The following SRGAP1 variants were observed in gnomAD, a reference collection of about 807,000 sequenced individuals.
The protein encoded by SRGAP1 is SLIT-ROBO Rho GTPase-activating protein 1.
SRGAP1 carries 43 observed loss-of-function variants against 121.9 expected under a neutral mutation model. The observed-to-expected ratio is 0.35, with a 90% CI of 0.28 to 0.46. The LOEUF (loss-of-function observed/expected upper bound fraction) is 0.46. Among genes scored for constraint, SRGAP1 ranks in the 20% least tolerant of loss-of-function variants. The pLI is 1.00. For synonymous variants in SRGAP1, 447 were observed against 485.4 expected, an observed-to-expected ratio of 0.92 and a Z score of 1.04; for missense variants, 1,102 against 1,350.9, an observed-to-expected ratio of 0.82 and a Z score of 2.89.
intron 4 of SRGAP1, among the ~76,000 whole-genome samples, chr12:64,030,061 T>C (rs1268671286): frequency 6.6e-6 from 1 of 152,184 alleles, no homozygotes; most frequent in Non-Finnish European, 1.5e-5. Flanking sequence ...TTGGATAAAA[T>C]AGCATTTATT....
intron 1 of SRGAP1, among the ~76,000 whole-genome samples, chr12:63,926,162 C>T (rs1229309416): frequency 6.6e-6 from 1 of 152,184 alleles, no homozygotes; most frequent in African/African-American, 2.4e-5. Context: ...CTGATTCTTT[C>T]TTCCTCACAC....
chr12:63,991,782 A>G (rs1484186589), intron 3 of SRGAP1, among the ~76,000 whole-genome samples: 2 of 152,346 alleles, frequency 1.3e-5, no homozygotes, highest in East Asian at 3.9e-4. Context: ...AATGCTTCTT[A>G]TTCAGACAGG....
chr12:63,889,615 TA>T (rs368572462), intron 1 of SRGAP1, among the ~76,000 whole-genome samples: 3,174 of 151,470 alleles, frequency 0.021, 57 homozygotes, highest in Middle Eastern at 0.041. Flanking sequence ...TAGGGGGCTT[TA>T]AAAAAAAATC....
Position 64,142,538 on chromosome 12 carries a change from G to C in SRGAP1, c.3124G>C (p.Val1042Leu), listed in dbSNP as rs745556807. 4.0e-5 allele frequency: 64 copies of C among 1,614,040 alleles called. No homozygotes were observed. The highest frequency in any genetic ancestry group is 5.3e-5 in the Non-Finnish European group (62 of 1,180,054). ...CACAATGAGTACTTTCAAGCCTATG[G>C]TGGCACCCAGAATGGGCGTGCAGCT... ...SDTMSTFKPM[V>L]APRMGVQLKP... Residue 1042 changes from valine to leucine, a missense_variant, in exon 22 of 22, where the codon GTG becomes CTG. Physicochemically the swap from Val to Leu is conservative, Grantham distance 32 (BLOSUM62 1). Coordinates refer to ENST00000355086, the MANE Select transcript of SRGAP1 (RefSeq NM_020762.4).
chr12:64,138,141 G>A (rs1011736399), intron 21 of SRGAP1, among the ~76,000 whole-genome samples: 4 of 151,854 alleles, frequency 2.6e-5, no homozygotes, highest in African/African-American at 9.7e-5. Flanking sequence ...TCCAGTCCCT[G>A]ACAACCACCA....
intron 15 of SRGAP1, among the ~76,000 whole-genome samples, chr12:64,099,620 C>T (rs2036223304): frequency 6.6e-6 from 1 of 152,232 alleles, no homozygotes; most frequent in Non-Finnish European, 1.5e-5. Flanking sequence ...TAGCCTGAGT[C>T]ATCACAATGA....
At chr12:64,029,328 A>G (rs2034723211) in intron 4 of SRGAP1, among the ~76,000 whole-genome samples, 1 of 152,146 alleles carries the variant, frequency 6.6e-6, no homozygotes. Context: ...TTGTTATAGG[A>G]TTATTTTTAT....
chr12:64,093,975 C>A (rs919585740), intron 12 of SRGAP1, among the ~76,000 whole-genome samples: 4 of 152,130 alleles, frequency 2.6e-5, no homozygotes, highest in Non-Finnish European at 2.9e-5. Flanking sequence ...ATTAAGACAA[C>A]CAACTTTTTC....
chr12:63,887,887 C>T (rs188748776), intron 1 of SRGAP1: 1 of 152,356 alleles, frequency 6.6e-6, no homozygotes, highest in East Asian at 1.9e-4. Flanking sequence ...TCATGATCTG[C>T]CTTGACAGGT....
At chr12:63,847,623 G>A (rs1001030900) in intron 1 of SRGAP1, among the ~76,000 whole-genome samples, 1 of 152,046 alleles carries the variant, frequency 6.6e-6, no homozygotes, top group Admixed American at 6.5e-5. Flanking sequence ...GTGCATGCCT[G>A]TAGTCCCAGC....
intron 12 of SRGAP1, among the ~76,000 whole-genome samples, chr12:64,093,149 G>A (rs887650207): frequency 3.3e-5 from 5 of 152,174 alleles, no homozygotes; most frequent in East Asian, 1.9e-4. Context: ...TGGGAAAACC[G>A]ACACCAAGGG....
intron 1 of SRGAP1, among the ~76,000 whole-genome samples, chr12:63,928,819 G>A (rs930879564): frequency 6.6e-6 from 1 of 152,166 alleles, no homozygotes; most frequent in Non-Finnish European, 1.5e-5. Context: ...CAGATCATCA[G>A]GCATTAGATT....
intron 2 of SRGAP1, among the ~76,000 whole-genome samples, chr12:63,984,690 T>C (rs1279942104): frequency 6.6e-6 from 1 of 152,150 alleles, no homozygotes; most frequent in Non-Finnish European, 1.5e-5. Flanking sequence ...ACATAAGATG[T>C]TCTGCTAATG....
intron 3 of SRGAP1, among the ~76,000 whole-genome samples, chr12:64,014,452 G>A (rs1281431443): frequency 1.3e-5 from 2 of 152,126 alleles, no homozygotes; most frequent in Admixed American, 6.5e-5. Context: ...AACACACACT[G>A]GGGCCTACTG....
At chr12:64,058,002 C>A (rs1270749740) in intron 6 of SRGAP1, among the ~76,000 whole-genome samples, 1 of 152,162 alleles carries the variant, frequency 6.6e-6, no homozygotes. Flanking sequence ...GAGCAAACTT[C>A]TACCCCACTA....
At chr12:64,044,814 G>A (rs1001206430) in intron 6 of SRGAP1, among the ~76,000 whole-genome samples, 14 of 151,248 alleles carry the variant, frequency 9.3e-5, no homozygotes, top group Non-Finnish European at 2.1e-4. Context: ...CCGAGTATCT[G>A]GGACTACAGG....
intron 1 of SRGAP1, among the ~76,000 whole-genome samples, chr12:63,932,928 G>A (rs1477278074): frequency 6.6e-5 from 10 of 152,156 alleles, no homozygotes; most frequent in African/African-American, 1.9e-4. Context: ...AGTGGCTCAC[G>A]CCTTTAATCC....
intron 1 of SRGAP1, among the ~76,000 whole-genome samples, chr12:63,868,550 C>A (rs112323435): frequency 6.6e-6 from 1 of 151,956 alleles, no homozygotes; most frequent in African/African-American, 2.4e-5. Context: ...TAGAGATGGA[C>A]GGGGTTTTGC....
intron 3 of SRGAP1, among the ~76,000 whole-genome samples, chr12:63,999,056 G>C (rs889799574): frequency 6.6e-6 from 1 of 152,152 alleles, no homozygotes; most frequent in Non-Finnish European, 1.5e-5. Context: ...TTATGACTTG[G>C]AGATGAGGAA....
Sources: allele counts gnomAD v4.1 joint callset (sites outside exome capture counted in the v4.1 genomes callset), GRCh38; gene constraint gnomAD v4.1.1; transcripts MANE v1.5; gene names NCBI Gene and HGNC (gene_info 2026-07-23, HGNC 2026-07-21).